The following AKR1C2 variants were observed in gnomAD, a reference collection of about 807,000 sequenced individuals.
AKR1C2 encodes aldo-keto reductase family 1 member C2, also known as 3-alpha-HSD3.
AKR1C2 carries 27 observed loss-of-function variants against 39.8 expected under a neutral mutation model. That is an observed-to-expected ratio of 0.68 (90% confidence interval 0.50 to 0.93). AKR1C2 has a LOEUF of 0.93. AKR1C2 is among the 40% of genes least tolerant of loss of function. The pLI, the probability that AKR1C2 is intolerant of heterozygous loss-of-function variation, is 0.00. For missense variants in AKR1C2, 263 were observed against 365.1 expected (o/e 0.72, Z 2.28); for synonymous variants, 114 against 137.9 (o/e 0.83, Z 1.22).
chr10:5,011,375 C>T (rs1837519307), intron 1 of AKR1C2, among the ~76,000 whole-genome samples: 1 of 152,196 alleles, frequency 6.6e-6, no homozygotes, highest in South Asian at 2.1e-4. Context: ...GCCCAGACCT[C>T]ACCACTGTGC....
In AKR1C2 at chr10:5,003,150, ATCT is replaced by A. The variant is rs1234584125; in HGVS notation, c.84+599_84+601del. Among the ~76,000 whole-genome samples the A allele has an allele frequency of 4.6e-5, 7 of 151,864 alleles. No homozygotes were observed. The East Asian group carries it at 1.3e-3, about 29-fold the overall frequency. On this transcript the variant is annotated intron_variant, in intron 1 of 8. Transcript: ENST00000380753. ...TTTCTGTTACAATATTTTGATACAA[ATCT>A]GACCCATATTAACAAAGACAAAGAA... is the stretch of plus-strand genomic sequence containing the variant.
chr10:4,992,415 T>C (rs1209841841), intron 7 of AKR1C2, among the ~76,000 whole-genome samples: 1 of 152,190 alleles, frequency 6.6e-6, no homozygotes, highest in Non-Finnish European at 1.5e-5. Context: ...ACTATGTAAA[T>C]TTGGGAGACT....
At chr10:4,990,136 T>C (rs1167233513) in intron 8 of AKR1C2, 98 bp from the exon 9 acceptor site, 6 of 1,419,582 alleles carry the variant, frequency 4.2e-6, no homozygotes, top group Non-Finnish European at 5.8e-6. Context: ...AGTGTAGATG[T>C]TAAGAAGTTC....
intron 3 of AKR1C2, chr10:5,000,277 C>T: frequency 1.4e-6 from 2 of 1,469,332 alleles, no homozygotes; most frequent in Non-Finnish European, 1.8e-6. Flanking sequence ...AGACCTTGTG[C>T]CTTCAAGGAG....
chr10:4,994,232 CTT>C (rs1225531234), intron 7 of AKR1C2, among the ~76,000 whole-genome samples: 3 of 150,300 alleles, frequency 2.0e-5, no homozygotes, highest in Non-Finnish European at 4.4e-5. Context: ...TCTTTAGAGA[CTT>C]GTATGAATTC....
intron 5 of AKR1C2, among the ~76,000 whole-genome samples, chr10:4,997,855 AAT>A (rs1187312709): frequency 1.3e-5 from 2 of 152,326 alleles, no homozygotes; most frequent in African/African-American, 4.8e-5. Flanking sequence ...GGAGGCCTGG[AAT>A]CACCAGTCAG....
chr10:5,012,730 C>T (rs1303914674), intron 1 of AKR1C2, among the ~76,000 whole-genome samples: 2 of 152,078 alleles, frequency 1.3e-5, no homozygotes, highest in African/African-American at 2.4e-5. Flanking sequence ...GTGCTTCAGG[C>T]CACAACATTT....
intron 5 of AKR1C2, chr10:4,997,372 G>A (rs2854466): frequency 0.2 from 31,108 of 152,284 alleles, 4,024 homozygotes; most frequent in East Asian, 0.6. Context: ...ATATGGACCG[G>A]ATACCAAATG....
intron 3 of AKR1C2, chr10:5,000,298 T>C: frequency 1.3e-6 from 2 of 1,485,548 alleles, no homozygotes; most frequent in Non-Finnish European, 1.8e-6. Context: ...ATGATTGTCA[T>C]TTCCTCAAGT....
rs150494382 is a variant in AKR1C2 at position 5,014,326 on chromosome 10, T to C, written c.-88+3574A>G. Among the ~76,000 whole-genome samples the C allele has an allele frequency of 3.3e-5, 5 of 152,338 alleles. No individual in the cohort carries two copies. The East Asian group carries it at 7.7e-4, about 23-fold the overall frequency. ...CTATTGTCCAGGCTGTCCTCTGCTA[T>C]GGTTACTGGGCTCGTTTTTAGCACA... On this transcript the variant is annotated intron_variant, in intron 1 of 6. Transcript: ENST00000604507.
At chr10:5,002,400 C>A (rs1485048809) in intron 1 of AKR1C2, among the ~76,000 whole-genome samples, 1 of 152,208 alleles carries the variant, frequency 6.6e-6, no homozygotes, top group East Asian at 1.9e-4. Context: ...CTATGGATAG[C>A]AGTCTATTAT....
At chr10:5,013,619 G>A in intron 1 of AKR1C2, 1 of 156,750 alleles carries the variant, frequency 6.4e-6, no homozygotes, top group Non-Finnish European at 1.4e-5. Context: ...TTTCTCCAGG[G>A]CCTAGGAAAG....
upstream of AKR1C2, among the ~76,000 whole-genome samples, chr10:5,008,477 A>G (rs574874224): frequency 6.6e-6 from 1 of 152,120 alleles, no homozygotes; most frequent in South Asian, 2.1e-4. Flanking sequence ...TACCTTGTAC[A>G]TGGGGGCTTC....
At chr10:4,998,890 A>G (rs1837158626) in intron 4 of AKR1C2, 143 bp from the exon 5 acceptor site, 9 of 1,406,826 alleles carry the variant, frequency 6.4e-6, no homozygotes, top group Non-Finnish European at 3.8e-6. Context: ...AGAAAATAAA[A>G]CAGAAAAATT....
At chr10:5,006,801 G>C (rs1837416369), upstream of AKR1C2, among the ~76,000 whole-genome samples, 1 of 135,304 alleles carries the variant, frequency 7.4e-6, no homozygotes, top group Non-Finnish European at 1.7e-5. Flanking sequence ...TTTTTTTTCG[G>C]AGTTTTGCAC....
At chr10:5,001,778 T>C in intron 1 of AKR1C2, 97 bp from the exon 2 acceptor site, 1 of 1,499,502 alleles carries the variant, frequency 6.7e-7, no homozygotes, top group Non-Finnish European at 9.2e-7. Flanking sequence ...CTTTTCCTCC[T>C]TTCTTGGATG....
chr10:5,016,566 A>G (rs545970458), intron 1 of AKR1C2, among the ~76,000 whole-genome samples: 2 of 152,338 alleles, frequency 1.3e-5, no homozygotes, highest in South Asian at 4.1e-4. Flanking sequence ...TATACAGGGT[A>G]AAGGCCCCAT....
chr10:4,998,655 T>G lies in AKR1C2; in HGVS notation c.540A>C (p.Pro180=), dbSNP rs782237696. 283 of 1,614,072 alleles carry G rather than the reference T, an allele frequency of 1.8e-4. No individual in the cohort carries two copies. The highest frequency in any genetic ancestry group is 2.3e-4 in the Non-Finnish European group (270 of 1,180,036). The change falls in exon 5 of 9, where the codon CCA becomes CCC. Residue 180 remains proline, a synonymous_variant. Transcript: ENST00000380753. ...TGCAGACAGGCTTGTACTTGAGCCC[T>G]GGCTTGTTGAGGATCATCTCCAGCA... is the stretch of plus-strand genomic sequence containing the variant. ...HRLLEMILNK[P]GLKYKPVCNQ...
rs138354992 is a variant in AKR1C2, at chr10:5,001,650, T to A, written c.116A>T (p.Lys39Ile). 5 of 1,613,862 alleles carry A rather than the reference T, an allele frequency of 3.1e-6. No homozygotes were observed. Among genetic ancestry groups the A allele is most frequent in the African/African-American group, 2.7e-5 (2 of 74,926 alleles). The change falls in exon 2 of 9, where the codon AAA becomes ATA. Residue 39 changes from lysine to isoleucine, a missense_variant. Around this residue, in one of 3 missense-constraint regions of AKR1C2, gnomAD observed 247 missense variants for 267.9 expected, o/e 0.92. Transcript: ENST00000380753. Reference protein sequence around the residue: ...VPKSKALEAVKLAIEAGFHHI... With the variant: ...VPKSKALEAVILAIEAGFHHI... ...GTGGAACCCGGCTTCTATTGCCAAT[T>A]TGACGGCCTCTAGAGCTTTACTTTT...
Sources: allele counts gnomAD v4.1 joint callset (sites outside exome capture counted in the v4.1 genomes callset), GRCh38; gene constraint gnomAD v4.1.1; regional missense constraint gnomAD v4.1.1; transcripts MANE v1.5; gene names NCBI Gene and HGNC (gene_info 2026-07-23, HGNC 2026-07-21).